The following HBS1L variants were observed in gnomAD, a reference collection of about 807,000 sequenced individuals.
HBS1L encodes HBS1-like protein.
HBS1L carries 55 observed loss-of-function variants against 88.9 expected under a neutral mutation model. That is an observed-to-expected ratio of 0.62 (90% CI 0.50 to 0.77). The LOEUF (loss-of-function observed/expected upper bound fraction) is 0.77. Ranked by LOEUF, HBS1L falls within the 30% of genes least tolerant of loss-of-function variation. The probability of loss-of-function intolerance (pLI) is 0.00; values close to 1 mark genes in which losing one functional copy is unlikely to be tolerated. For synonymous variants in HBS1L, 267 were observed against 288.5 expected, an observed-to-expected ratio of 0.93 and a Z score of 0.76; for missense variants, 741 against 829.3, an observed-to-expected ratio of 0.89 and a Z score of 1.31.
chr6:135,040,470 GCCT>G (rs952859141), intron 3 of HBS1L, among the ~76,000 whole-genome samples: 44 of 149,270 alleles, frequency 2.9e-4, no homozygotes, highest in African/African-American at 1.1e-3. Context: ...TCCCACCTCA[GCCT>G]CCTGAGTAGC....
intron 15 of HBS1L, among the ~76,000 whole-genome samples, chr6:134,975,908 A>G (rs772916797): frequency 4.6e-5 from 7 of 152,156 alleles, no homozygotes; most frequent in Non-Finnish European, 7.4e-5. Flanking sequence ...AAATAAATAG[A>G]TAAGACCTAA....
At chr6:134,998,414 C>T (rs377476433) in intron 5 of HBS1L, among the ~76,000 whole-genome samples, 259 of 116,512 alleles carry the variant, frequency 2.2e-3, no homozygotes, top group Middle Eastern at 8.4e-3. Context: ...AAACTAGTAC[C>T]AGTGCAACTC....
intron 4 of HBS1L, among the ~76,000 whole-genome samples, chr6:135,007,716 A>T (rs1775652782): frequency 6.6e-6 from 1 of 152,208 alleles, no homozygotes. Flanking sequence ...AGAGATACAT[A>T]TATATAATCA....
intron 15 of HBS1L, among the ~76,000 whole-genome samples, chr6:134,975,143 T>C (rs1774606948): frequency 6.6e-6 from 1 of 151,908 alleles, no homozygotes; most frequent in Admixed American, 6.6e-5. Context: ...GAACAAGAAC[T>C]TAATCCCTTT....
At chr6:135,023,866 T>C (rs1236097213) in intron 4 of HBS1L, among the ~76,000 whole-genome samples, 1 of 152,202 alleles carries the variant, frequency 6.6e-6, no homozygotes, top group African/African-American at 2.4e-5. Flanking sequence ...AATGGAAATA[T>C]CAATTTTGAA....
chr6:135,046,295 G>C lies in HBS1L; in HGVS notation c.110-4169C>G, dbSNP rs111783748. Among the ~76,000 whole-genome samples the C allele has an allele frequency of 6.0e-3, 909 of 151,468 alleles. 10 individuals are homozygous for C. The highest frequency in any genetic ancestry group is 0.018 in the African/African-American group (732 of 41,226). ...CTGTTGTAGCAAGTTATTTGAACAAGACTTTAAACAAGCTTCCTTATACCA... is the reference window on the plus strand; with the variant it reads ...CTGTTGTAGCAAGTTATTTGAACAACACTTTAAACAAGCTTCCTTATACCA... On this transcript the variant is annotated intron_variant, in intron 2 of 17. Transcript: ENST00000367837.
chr6:135,026,010 A>G (rs1776217163), intron 4 of HBS1L, among the ~76,000 whole-genome samples: 1 of 152,218 alleles, frequency 6.6e-6, no homozygotes, highest in Admixed American at 6.5e-5. Context: ...GCAACAATAG[A>G]AAACAGTAGA....
intron 4 of HBS1L, among the ~76,000 whole-genome samples, chr6:135,029,711 TAAC>T (rs1776332470): frequency 6.6e-6 from 1 of 152,102 alleles, no homozygotes; most frequent in South Asian, 2.1e-4. Context: ...TTATTAGCAA[TAAC>T]AACTGGAACA....
At chr6:135,044,633 A>T (rs1401373520) in intron 2 of HBS1L, among the ~76,000 whole-genome samples, 1 of 152,200 alleles carries the variant, frequency 6.6e-6, no homozygotes. Context: ...CCTTAAAATA[A>T]TGATACACCT....
intron 4 of HBS1L, among the ~76,000 whole-genome samples, chr6:135,017,345 T>C (rs1328594652): frequency 6.6e-6 from 1 of 152,308 alleles, no homozygotes; most frequent in African/African-American, 2.4e-5. Flanking sequence ...CTAGGGATAA[T>C]GTTCTTAAAT....
chr6:135,023,605 A>T (rs999651054), intron 4 of HBS1L, among the ~76,000 whole-genome samples: 15 of 152,196 alleles, frequency 9.9e-5, no homozygotes, highest in Non-Finnish European at 1.6e-4. Context: ...ACCTCATCAT[A>T]TAAAATTAGG....
In HBS1L at chr6:134,965,287, T is replaced by C; in HGVS notation, c.2047A>G (p.Lys683Glu). 6.4e-7 allele frequency: 1 copy of C among 1,565,774 alleles called. No homozygotes were observed. The highest frequency in any genetic ancestry group is 8.7e-7 in the Non-Finnish European group (1 of 1,144,718). ...GTAGAAATTCTGACCCATCATTCTT[T>C]TATCTGTTAAAACAAAAAAAAAAAA... ...TIAAGVVTEIKE is the reference protein window; with the variant it reads ...TIAAGVVTEIEE Residue 683 changes from lysine (K) to glutamate (E), a missense_variant, in exon 18 of 18, where the codon AAA becomes GAA. Lys to Glu is a moderately conservative substitution (Grantham distance 56). Around this residue, in one of 3 missense-constraint regions of HBS1L, gnomAD observed 181 missense variants for 212.7 expected, o/e 0.85. Coordinates refer to ENST00000367837, the MANE Select transcript of HBS1L (RefSeq NM_006620.4).
At chr6:135,034,401 C>T (rs572289356) in intron 4 of HBS1L, among the ~76,000 whole-genome samples, 14 of 152,196 alleles carry the variant, frequency 9.2e-5, no homozygotes, top group African/African-American at 1.9e-4. Context: ...CCCAGCACTT[C>T]GGGAGGCCGA....
intron 12 of HBS1L, 125 bp downstream of exon 12, chr6:134,985,216 A>T: frequency 2.0e-6 from 1 of 512,568 alleles, no homozygotes; most frequent in Non-Finnish European, 3.5e-6. Flanking sequence ...AGTGATCCTT[A>T]CTTGGGCATG....
chr6:134,996,615 A>G (rs1365718094), intron 7 of HBS1L, among the ~76,000 whole-genome samples, 162 bp downstream of exon 7: 1 of 152,196 alleles, frequency 6.6e-6, no homozygotes, highest in Admixed American at 6.5e-5. Flanking sequence ...CAGTATGCAG[A>G]TTACATCAAA....
intron 12 of HBS1L, among the ~76,000 whole-genome samples, chr6:134,984,484 G>A (rs1279082785): frequency 1.3e-5 from 2 of 152,130 alleles, no homozygotes; most frequent in African/African-American, 2.4e-5. Context: ...ACAGAGGGAC[G>A]CGTCAGGGCA....
At chr6:135,016,998 A>T (rs545522645) in intron 4 of HBS1L, among the ~76,000 whole-genome samples, 1 of 152,340 alleles carries the variant, frequency 6.6e-6, no homozygotes, top group African/African-American at 2.4e-5. Flanking sequence ...AAAAAGATTT[A>T]GAACTATTTA....
chr6:134,999,700 G>A (rs186401970), intron 5 of HBS1L, among the ~76,000 whole-genome samples: 38 of 151,914 alleles, frequency 2.5e-4, no homozygotes, highest in Non-Finnish European at 4.4e-4. Context: ...CACCTGCCTC[G>A]GCCTCCCAAA....
chr6:134,990,741 A>G (rs1353395127), intron 8 of HBS1L, among the ~76,000 whole-genome samples: 1 of 152,084 alleles, frequency 6.6e-6, no homozygotes, highest in Admixed American at 6.6e-5. Context: ...TAGTAGAGAC[A>G]GGGTTTTGCC....
Sources: gnomAD v4.1 joint callset for allele counts (sites outside exome capture counted in the v4.1 genomes callset) on GRCh38, gnomAD v4.1.1 for gene constraint, gnomAD v4.1.1 regional missense constraint, MANE v1.5 for transcripts, NCBI Gene and HGNC (gene_info 2026-07-23, HGNC 2026-07-21) for gene names.